XBP1: variants seen among roughly 807,000 people sequenced by gnomAD.
XBP1 encodes the protein X-box binding protein 1, also known as X-box-binding protein 1.
In XBP1, 18 loss-of-function variants were observed where a neutral mutation model predicts 34.6. The ratio of observed to expected loss-of-function variants is 0.52; its 90% CI spans 0.36 to 0.77. XBP1 has a LOEUF of 0.77. Among genes scored for constraint, XBP1 ranks in the 30% least tolerant of loss-of-function variants. XBP1 has a pLI of 0.00. For missense variants in XBP1, 422 were observed against 464.6 expected, an observed-to-expected ratio of 0.91 and a Z score of 0.84; for synonymous variants, 191 against 193.4, an observed-to-expected ratio of 0.99 and a Z score of 0.11.
intron 2 of XBP1, among the ~76,000 whole-genome samples, chr22:28,798,369 C>T (rs534144992): frequency 1.2e-4 from 18 of 145,190 alleles, no homozygotes; most frequent in South Asian, 9.0e-4. Flanking sequence ...GGCATGATCT[C>T]GTGATCTCAG....
At chr22:28,798,997 G>T (rs538136208) in intron 2 of XBP1, 60 bp downstream of exon 2, 1 of 1,377,584 alleles carries the variant, frequency 7.3e-7, no homozygotes, top group East Asian at 2.3e-5. Flanking sequence ...GCAAATATCA[G>T]AACATTCACC....
downstream of XBP1, chr22:28,794,564 T>C (rs56058284): frequency 6.6e-5 from 10 of 152,472 alleles, no homozygotes; most frequent in East Asian, 1.9e-4. Context: ...GGATGCTGCA[T>C]TGTACCTTTT....
intron 2 of XBP1, among the ~76,000 whole-genome samples, chr22:28,798,177 C>T (rs2031785362): frequency 6.6e-6 from 1 of 152,208 alleles, no homozygotes; most frequent in Non-Finnish European, 1.5e-5. Flanking sequence ...TTACTACAAA[C>T]TCAATAAACA....
chr22:28,795,854 A>T, intron 5 of XBP1, 122 bp from the exon 6 acceptor site: 4 of 1,200,704 alleles, frequency 3.3e-6, no homozygotes, highest in Non-Finnish European at 4.6e-6. Flanking sequence ...TGACCTCGGG[A>T]CCCACCAGAC....
intron 5 of XBP1, 73 bp from the exon 6 acceptor site, chr22:28,795,805 C>G (rs139023584): frequency 3.7e-5 from 53 of 1,439,834 alleles, no homozygotes; most frequent in Non-Finnish European, 5.0e-5. Flanking sequence ...ACACTTTGTA[C>G]TGGGTTCCAT....
At chr22:28,795,407 G>A in exon 6 of XBP1, 1 of 1,565,644 alleles carries the variant, frequency 6.4e-7, no homozygotes, top group Non-Finnish European at 8.7e-7. Flanking sequence ...TTCCTTCACT[G>A]AGACAATGAA....
chr22:28,800,548 C>T (rs976493778), upstream of XBP1: 3 of 1,472,148 alleles, frequency 2.0e-6, no homozygotes, highest in Admixed American at 2.5e-5. Context: ...GCACCGCGCA[C>T]CGCGCGCCGC....
At chr22:28,800,410 T>A (rs965059035) in exon 1 of XBP1, 5 of 1,516,108 alleles carry the variant, frequency 3.3e-6, no homozygotes, top group Non-Finnish European at 4.4e-6. Flanking sequence ...GCTGGCACCA[T>A]GAGCGGCAGG....
At chr22:28,796,271 TTAAAGAATTACTTTTCAA>T (rs1461885151) in intron 3 of XBP1, 79 bp from the exon 4 acceptor site, 10 of 1,361,478 alleles carry the variant, frequency 7.3e-6, no homozygotes, top group Non-Finnish European at 2.9e-6. Flanking sequence ...ATTCTCAACT[TTAAAGAATTACTTTTCAA>T]AAAGATTCTA....
exon 6 of XBP1, chr22:28,795,206 T>C (rs967697918): frequency 5.2e-6 from 8 of 1,526,178 alleles, no homozygotes; most frequent in Admixed American, 2.1e-5. Context: ...AAAGAGTTCA[T>C]TGGCAAAAGT....
exon 1 of XBP1, chr22:28,800,514 A>G (rs1055215381): frequency 4.7e-6 from 7 of 1,483,642 alleles, no homozygotes; most frequent in South Asian, 3.8e-5. Context: ...CGCGGCTGCC[A>G]CCACCACCAT....
intron 5 of XBP1, 104 bp downstream of exon 5, chr22:28,795,942 CA>C: frequency 6.7e-7 from 1 of 1,495,934 alleles, no homozygotes; most frequent in Admixed American, 1.7e-5. Context: ...CCAACCCCAC[CA>C]AAAACTAACT....
upstream of XBP1, chr22:28,800,552 G>A (rs953856064): frequency 3.4e-6 from 5 of 1,470,374 alleles, no homozygotes; most frequent in Non-Finnish European, 3.6e-6. Context: ...CGCGCACCGC[G>A]CGCCGCAGCC....
At chr22:28,799,078 T>C (rs1462782836) in exon 2 of XBP1, 2 of 1,614,064 alleles carry the variant, frequency 1.2e-6, no homozygotes, top group Non-Finnish European at 1.7e-6. Context: ...AATCTACCAC[T>C]TGCTGTTCCA....
intron 2 of XBP1, among the ~76,000 whole-genome samples, chr22:28,798,317 T>TTTTTTTTTTTTTA (rs2031788917): frequency 6.0e-5 from 9 of 150,346 alleles, no homozygotes; most frequent in South Asian, 4.3e-4. Flanking sequence ...TTTTTTTTTT[T>TTTTTTTTTTTTTA]GAGACAGGGT....
chr22:28,797,925 G>C (rs866508052), intron 2 of XBP1, among the ~76,000 whole-genome samples: 1 of 152,112 alleles, frequency 6.6e-6, no homozygotes, highest in African/African-American at 2.4e-5. Flanking sequence ...CCTGACTCAT[G>C]ATTCTTAGAA....
At chr22:28,795,721 C>G in exon 6 of XBP1, 2 of 1,534,782 alleles carry the variant, frequency 1.3e-6, no homozygotes, top group Non-Finnish European at 1.7e-6. Context: ...GAATGCCCAA[C>G]AGGATATCAG....
At chr22:28,799,981 T>C in intron 1 of XBP1, 1 of 779,538 alleles carries the variant, frequency 1.3e-6, no homozygotes, top group Non-Finnish European at 2.4e-6. Flanking sequence ...GTTAAGAGGC[T>C]GAACCACCAG....
exon 6 of XBP1, chr22:28,795,262 G>A: frequency 6.4e-7 from 1 of 1,551,686 alleles, no homozygotes. Flanking sequence ...ACATGTCACT[G>A]AATGGGGAAA....
Sources: allele counts gnomAD v4.1 joint callset (sites outside exome capture counted in the v4.1 genomes callset), GRCh38; gene constraint gnomAD v4.1.1; transcripts MANE v1.5; gene names NCBI Gene and HGNC (gene_info 2026-07-23, HGNC 2026-07-21).